Variants in ATRNL1 observed in about 807,000 individuals in gnomAD.
ATRNL1 encodes attractin like 1.
In ATRNL1, 95 loss-of-function variants were observed where a neutral mutation model predicts 182.7. That is an observed-to-expected ratio of 0.52 (90% CI 0.44 to 0.62). ATRNL1 has a LOEUF of 0.62. Ranked by LOEUF, ATRNL1 falls within the 20% of genes least tolerant of loss-of-function variation. The probability of loss-of-function intolerance (pLI) is 0.00; values close to 1 mark genes in which losing one functional copy is unlikely to be tolerated. For synonymous variants in ATRNL1, 576 were observed against 568.3 expected (o/e 1.01, Z -0.19); for missense variants, 1,471 against 1,679.5 (o/e 0.88, Z 2.17).
At chr10:115,509,337 T>C (rs1191173040) in intron 24 of ATRNL1, among the ~76,000 whole-genome samples, 1 of 151,938 alleles carries the variant, frequency 6.6e-6, no homozygotes, top group African/African-American at 2.4e-5. Context: ...TTGGGTGGTG[T>C]CCCCACCAAA....
intron 8 of ATRNL1, among the ~76,000 whole-genome samples, chr10:115,196,912 T>C (rs904785451): frequency 2.0e-5 from 3 of 152,150 alleles, no homozygotes; most frequent in Admixed American, 1.3e-4. Context: ...TTGTCTTGTA[T>C]TTTTAGGATC....
chr10:115,095,626 A>G lies in ATRNL1; in HGVS notation c.293+1583A>G, dbSNP rs561730935. 1.9e-4 allele frequency among the ~76,000 whole-genome samples: 29 copies of G among 152,144 alleles called. 1 individual carries two copies. In the South Asian group the frequency reaches 5.6e-3, roughly 29 times the overall value. On this transcript the variant is annotated intron_variant, in intron 1 of 28. Transcript: ENST00000355044. ...AAAAATACTTTTTAAAAAAATTAGG[A>G]GAGATGCTGATTAAAAGTTTAAAAA...
intron 13 of ATRNL1, among the ~76,000 whole-genome samples, chr10:115,275,567 T>A (rs1399824521): frequency 6.6e-6 from 1 of 152,208 alleles, no homozygotes; most frequent in African/African-American, 2.4e-5. Context: ...CCTTTGTTAG[T>A]TGAGTGCTGC....
chr10:115,635,415 A>G (rs1360439155), intron 26 of ATRNL1, among the ~76,000 whole-genome samples: 1 of 152,166 alleles, frequency 6.6e-6, no homozygotes, highest in Non-Finnish European at 1.5e-5. Context: ...TATTTGAGAA[A>G]TGCAAAATAA....
intron 24 of ATRNL1, among the ~76,000 whole-genome samples, chr10:115,487,587 G>A (rs7078241): frequency 0.027 from 4,071 of 152,240 alleles, 217 homozygotes; most frequent in African/African-American, 0.094. Flanking sequence ...TTTGTATTCG[G>A]ACACTTTGCT....
intron 26 of ATRNL1, among the ~76,000 whole-genome samples, chr10:115,685,922 A>G (rs1555046186): frequency 6.6e-6 from 1 of 151,710 alleles, no homozygotes; most frequent in African/African-American, 2.4e-5. Flanking sequence ...GAGTCTCAAT[A>G]GTTCTATTTC....
intron 15 of ATRNL1, among the ~76,000 whole-genome samples, chr10:115,290,690 T>C (rs1318580176): frequency 6.6e-6 from 1 of 151,896 alleles, no homozygotes; most frequent in Non-Finnish European, 1.5e-5. Context: ...AGAGGTTTAA[T>C]AGGTGAAAGA....
chr10:115,794,462 C>G (rs1565384703), intron 27 of ATRNL1, among the ~76,000 whole-genome samples: 1 of 152,120 alleles, frequency 6.6e-6, no homozygotes, highest in African/African-American at 2.4e-5. Flanking sequence ...GCAAAAGAAT[C>G]TAGTTTAGAA....
chr10:115,429,487 C>T (rs1846049689), intron 21 of ATRNL1, among the ~76,000 whole-genome samples: 1 of 151,964 alleles, frequency 6.6e-6, no homozygotes, highest in African/African-American at 2.4e-5. Flanking sequence ...ATGGAATATT[C>T]CTTGTATCAC....
chr10:115,892,181 A>G (rs183245364), intron 28 of ATRNL1, among the ~76,000 whole-genome samples: 1 of 152,304 alleles, frequency 6.6e-6, no homozygotes, highest in East Asian at 1.9e-4. Flanking sequence ...TCTGAAATTC[A>G]TGACATTGTA....
intron 24 of ATRNL1, among the ~76,000 whole-genome samples, chr10:115,502,959 G>T (rs374167810): frequency 9.2e-5 from 14 of 152,052 alleles, no homozygotes; most frequent in African/African-American, 3.4e-4. Context: ...GCCTTGAGGA[G>T]TTGAATAGCT....
intron 26 of ATRNL1, among the ~76,000 whole-genome samples, chr10:115,628,165 GAAAA>G (rs1223072713): frequency 1.3e-5 from 2 of 148,772 alleles, no homozygotes; most frequent in African/African-American, 2.5e-5. Context: ...AAAAAAGAAA[GAAAA>G]AAAAAGAAAT....
chr10:115,286,252 A>G lies in ATRNL1; in HGVS notation c.2270A>G (p.Asp757Gly). Residue 757 changes from aspartate to glycine, a missense_variant, in exon 15 of 29, where the codon GAT becomes GGT. This residue lies in a region of ATRNL1 where 1,031 missense variants were observed against 1,156.0 expected (regional missense o/e 0.89). Coordinates refer to ENST00000355044, the MANE Select transcript of ATRNL1 (RefSeq NM_207303.4). Reference sequence around the variant, plus strand: ...GGAGAAGGATGGAGTCATATTGGGGATGCTTGTCTTAGAGTCAATTCCAGT... The same window carrying G: ...GGAGAAGGATGGAGTCATATTGGGGGTGCTTGTCTTAGAGTCAATTCCAGT... ...LCGEGWSHIG[D>G]ACLRVNSSRE... 6.3e-7 allele frequency: 1 copy of G among 1,597,372 alleles called. No homozygotes were observed. Among genetic ancestry groups the G allele is most frequent in the Non-Finnish European group, 8.6e-7 (1 of 1,166,018 alleles).
At chr10:115,725,272 A>G (rs782477200) in intron 26 of ATRNL1, among the ~76,000 whole-genome samples, 14 of 152,200 alleles carry the variant, frequency 9.2e-5, no homozygotes, top group Admixed American at 3.3e-4. Flanking sequence ...AAATTGAACA[A>G]AAGTATCAGT....
At chr10:115,579,735 C>T (rs532486511) in intron 26 of ATRNL1, among the ~76,000 whole-genome samples, 186 of 152,000 alleles carry the variant, frequency 1.2e-3, no homozygotes, top group African/African-American at 4.4e-3. Context: ...TGATAATTAA[C>T]AAAGAATGAG....
intron 21 of ATRNL1, among the ~76,000 whole-genome samples, chr10:115,434,288 A>G (rs1317685993): frequency 6.6e-6 from 1 of 152,198 alleles, no homozygotes; most frequent in Non-Finnish European, 1.5e-5. Context: ...TAAAATAATG[A>G]TCATACTAGT....
At chr10:115,559,848 C>G (rs1355081842) in intron 26 of ATRNL1, among the ~76,000 whole-genome samples, 1 of 152,188 alleles carries the variant, frequency 6.6e-6, no homozygotes, top group Non-Finnish European at 1.5e-5. Context: ...TGTCCACTCT[C>G]TCTAATTCTA....
chr10:115,552,619 T>C (rs1276116494), intron 26 of ATRNL1, among the ~76,000 whole-genome samples: 1 of 151,468 alleles, frequency 6.6e-6, no homozygotes, highest in African/African-American at 2.4e-5. Context: ...AGTTTTGTTT[T>C]CTCATAAACA....
intron 19 of ATRNL1, among the ~76,000 whole-genome samples, chr10:115,334,684 C>T (rs7912050): frequency 0.27 from 40,577 of 151,926 alleles, 5,674 homozygotes; most frequent in South Asian, 0.32. Context: ...AAAGAAAAAA[C>T]ACCTACTATC....
Sources: gnomAD v4.1 joint callset for allele counts (sites outside exome capture counted in the v4.1 genomes callset) on GRCh38, gnomAD v4.1.1 for gene constraint, gnomAD v4.1.1 regional missense constraint, MANE v1.5 for transcripts, NCBI Gene and HGNC (gene_info 2026-07-23, HGNC 2026-07-21) for gene names.